Variants in ERBB3 observed in about 807,000 individuals in gnomAD.
ERBB3 encodes the protein receptor tyrosine-protein kinase erbB-3.
ERBB3 carries 96 observed loss-of-function variants against 156.7 expected under a neutral mutation model. The ratio of observed to expected loss-of-function variants is 0.61; its 90% CI spans 0.52 to 0.73. The LOEUF is 0.73. Ranked by LOEUF, ERBB3 falls within the 30% of genes least tolerant of loss-of-function variation. ERBB3 has a pLI of 0.00. For missense variants in ERBB3, 1,406 were observed against 1,709.4 expected, an observed-to-expected ratio of 0.82 and a Z score of 3.13; for synonymous variants, 567 against 632.0, an observed-to-expected ratio of 0.90 and a Z score of 1.54.
chr12:56,088,163 G>T lies in ERBB3; in HGVS notation c.874+1G>T. 6.2e-7 allele frequency: 1 copy of T among 1,613,892 alleles called. No homozygotes were observed. The highest frequency in any genetic ancestry group is 8.5e-7 in the Non-Finnish European group (1 of 1,179,832). On this transcript the variant is annotated splice_donor_variant, in intron 7 of 27. Coordinates refer to ENST00000267101, the MANE Select transcript of ERBB3 (RefSeq NM_001982.4). LOFTEE classifies it high-confidence loss of function. ...GGAGTTTGTGTAGCCAGCTGTCCCC[G>T]TAAGTGTCTGAGGGGAAGGAACAAT... is the stretch of plus-strand genomic sequence containing the variant.
Position 56,102,231 on chromosome 12 carries a change from T to C in ERBB3, c.*176T>C, listed in dbSNP as rs1869137773. 6 of 632,474 alleles carry C rather than the reference T, an allele frequency of 9.5e-6. No homozygotes were observed. The highest frequency in any genetic ancestry group is 1.7e-5 in the Non-Finnish European group (6 of 360,668). 39.2% of individuals were successfully genotyped at this position (632,474 alleles called of 1,614,324 possible). A position where few individuals can be genotyped will look rare whatever the true frequency, so the allele number is the denominator to read the frequency against. On this transcript the variant is annotated 3_prime_UTR_variant, in exon 28 of 28. Transcript: ENST00000267101. Reference sequence around the variant, plus strand: ...ATTTTGACACAAAATTCTTATGGTATGTAGCCAGCTGTGCACTTTCTTCTC... The same window carrying C: ...ATTTTGACACAAAATTCTTATGGTACGTAGCCAGCTGTGCACTTTCTTCTC...
In ERBB3 at chr12:56,097,805, A is replaced by G; in HGVS notation, c.2481A>G (p.Glu827=). Residue 827 remains glutamate (E), a synonymous_variant, in exon 21 of 28, where the codon GAA becomes GAG. Coordinates refer to ENST00000267101, the MANE Select transcript of ERBB3 (RefSeq NM_001982.4). ...QIAKGMYYLE[E]HGMVHRNLAA... ...TACAGGGAATGTACTACCTTGAGGA[A>G]CATGGTATGGTGCATAGAAACCTGG... The G allele has an allele frequency of 6.2e-7, 1 of 1,613,956 alleles. No individual in the cohort carries two copies.
intron 1 of ERBB3, among the ~76,000 whole-genome samples, chr12:56,082,494 A>C (rs941408120): frequency 6.6e-6 from 1 of 152,084 alleles, no homozygotes; most frequent in East Asian, 1.9e-4. Context: ...GAGCCCTCCA[A>C]GGTCAAGAAG....
intron 4 of ERBB3, among the ~76,000 whole-genome samples, chr12:56,087,187 T>C (rs1868514921): frequency 6.6e-6 from 1 of 152,034 alleles, no homozygotes; most frequent in Non-Finnish European, 1.5e-5. Context: ...GCCAGATCTT[T>C]AGACTCCACA....
At chr12:56,090,630 G>A (rs748997911) in intron 9 of ERBB3, among the ~76,000 whole-genome samples, 4 of 151,930 alleles carry the variant, frequency 2.6e-5, no homozygotes, top group Admixed American at 6.6e-5. Flanking sequence ...GTGAAAGAGC[G>A]AGACTCTGTC....
In ERBB3 at chr12:56,097,776, T is replaced by C. The variant is rs1304944216; in HGVS notation, c.2461-9T>C. The C allele has an allele frequency of 3.1e-6, 5 of 1,613,124 alleles. No homozygotes were observed. The highest frequency in any genetic ancestry group is 3.3e-5 in the Admixed American group (2 of 60,008). On this transcript the variant is annotated splice_polypyrimidine_tract_variant and intron_variant, in intron 20 of 27. Coordinates refer to ENST00000267101, the MANE Select transcript of ERBB3 (RefSeq NM_001982.4). ...ACCTTAAGAATACTTTCTTCCCCTA[T>C]ACCTACAGGGAATGTACTACCTTGA... is the stretch of plus-strand genomic sequence containing the variant.
chr12:56,084,586 A>G (rs2136786920), intron 2 of ERBB3, among the ~76,000 whole-genome samples: 1 of 114,090 alleles, frequency 8.8e-6, no homozygotes, highest in South Asian at 3.7e-4. Context: ...ACAGAGCGAG[A>G]CCCTGTCTCA....
In ERBB3 at chr12:56,080,258, C is replaced by A; in HGVS notation, c.-43C>A. Reference sequence around the variant, plus strand: ...CCTCGATGTCCTAGCCTAGGGGCCCCCGGGCCGGACTTGGCTGGGCTCCCT... The same window carrying A: ...CCTCGATGTCCTAGCCTAGGGGCCCACGGGCCGGACTTGGCTGGGCTCCCT... On this transcript the variant is annotated 5_prime_UTR_variant, in exon 1 of 28. Transcript: ENST00000267101. 1 of 1,513,112 alleles carries A rather than the reference C, an allele frequency of 6.6e-7. No homozygotes were observed. The highest frequency in any genetic ancestry group is 9.0e-7 in the Non-Finnish European group (1 of 1,114,028). 93.7% of individuals were successfully genotyped at this position (1,513,112 alleles called of 1,614,324 possible).
chr12:56,100,514 C>G (rs1047627719), intron 26 of ERBB3, among the ~76,000 whole-genome samples: 5 of 151,682 alleles, frequency 3.3e-5, no homozygotes, highest in Admixed American at 3.3e-4. Context: ...TGGTGGTGCA[C>G]ACCTGTAATC....
At chr12:56,097,643 C>CT in intron 20 of ERBB3, 142 bp from the exon 21 acceptor site, 1 of 858,596 alleles carries the variant, frequency 1.2e-6, no homozygotes, top group Non-Finnish European at 1.9e-6. Context: ...CCTGGAAAAA[C>CT]TGTCTTCCAC....
rs1010091317 is a variant in ERBB3 at position 56,093,503 on chromosome 12, C to T, written c.1433C>T (p.Thr478Met). ...TGGACCAAGGTGCTTCGGGGGCCTA[C>T]GGAAGAGCGACTAGACATCAAGCAT... is the stretch of plus-strand genomic sequence containing the variant. ...LNWTKVLRGP[T>M]EERLDIKHNR... Residue 478 changes from threonine (T) to methionine (M), a missense_variant, in exon 12 of 28, where the codon ACG becomes ATG. This residue lies in a region of ERBB3 where 979 missense variants were observed against 1,219.6 expected (regional missense o/e 0.80). Coordinates refer to ENST00000267101, the MANE Select transcript of ERBB3 (RefSeq NM_001982.4). 1.5e-5 allele frequency: 25 copies of T among 1,613,526 alleles called. No individual in the cohort carries two copies. The highest frequency in any genetic ancestry group is 5.3e-5 in the African/African-American group (4 of 74,828).
At position 56,093,905 on chromosome 12, in the gene ERBB3, A is replaced by G; in HGVS notation, c.1613+9A>G. 6.7e-7 allele frequency: 1 copy of G among 1,490,762 alleles called. No homozygotes were observed. The highest frequency in any genetic ancestry group is 9.3e-7 in the Non-Finnish European group (1 of 1,071,052). The allele number at this position is 1,490,762 out of a possible 1,614,324, so 92.3% of individuals were successfully genotyped here. ...TGCAACTTTCTGAATGGGTACAGTA[A>G]GGGGAGCCAGTCAAGGATGGGTGGG... On this transcript the variant is annotated intron_variant, in intron 13 of 27. Coordinates refer to ENST00000267101, the MANE Select transcript of ERBB3 (RefSeq NM_001982.4).
At chr12:56,085,274 G>A (rs751870363) in intron 3 of ERBB3, 93 bp downstream of exon 3, 10 of 1,604,482 alleles carry the variant, frequency 6.2e-6, no homozygotes, top group Middle Eastern at 1.7e-4. Flanking sequence ...CACTCTAAGT[G>A]CCTCTTCCAA....
intron 4 of ERBB3, among the ~76,000 whole-genome samples, chr12:56,087,136 CAAAAA>C (rs33927060): frequency 1.6e-5 from 2 of 125,450 alleles, no homozygotes; most frequent in Non-Finnish European, 3.3e-5. Flanking sequence ...GACCCTGTCT[CAAAAA>C]AAAAAAAAAA....
chr12:56,091,240 G>A (rs1371333435), intron 9 of ERBB3, among the ~76,000 whole-genome samples: 1 of 57,530 alleles, frequency 1.7e-5, no homozygotes, highest in African/African-American at 8.1e-5. Flanking sequence ...GGGATTACAG[G>A]TGCATGCCAC....
chr12:56,086,754 C>G, intron 4 of ERBB3, 98 bp downstream of exon 4: 2 of 1,478,684 alleles, frequency 1.4e-6, no homozygotes, highest in East Asian at 2.3e-5. Flanking sequence ...ACCCGCCTCC[C>G]CAGTGAACAA....
chr12:56,097,632 C>T (rs912108686), intron 20 of ERBB3, among the ~76,000 whole-genome samples, 153 bp from the exon 21 acceptor site: 2 of 152,028 alleles, frequency 1.3e-5, no homozygotes, highest in Non-Finnish European at 2.9e-5. Flanking sequence ...CCTCCCCTTC[C>T]CCTGGAAAAA....
intron 9 of ERBB3, among the ~76,000 whole-genome samples, chr12:56,090,583 G>T (rs1275577605): frequency 6.6e-6 from 1 of 152,050 alleles, no homozygotes; most frequent in Non-Finnish European, 1.5e-5. Flanking sequence ...GGCAGAGGTT[G>T]CAGTGAGCCG....
At chr12:56,084,699 TTAGCCAGGTG>T (rs1190787544) in intron 2 of ERBB3, among the ~76,000 whole-genome samples, 2 of 149,028 alleles carry the variant, frequency 1.3e-5, no homozygotes, top group Admixed American at 6.7e-5. Context: ...AAATACAAAA[TTAGCCAGGTG>T]TAGTGGCACA....
Sources: allele counts gnomAD v4.1 joint callset (sites outside exome capture counted in the v4.1 genomes callset), GRCh38; gene constraint gnomAD v4.1.1; regional missense constraint gnomAD v4.1.1; transcripts MANE v1.5; gene names NCBI Gene and HGNC (gene_info 2026-07-23, HGNC 2026-07-21).